The following DYNC2H1 variants were observed in gnomAD, a reference collection of about 807,000 sequenced individuals.
DYNC2H1 encodes the protein cytoplasmic dynein 2 heavy chain 1.
Under a neutral mutation model 570.0 loss-of-function variants are expected in DYNC2H1, and 410 were observed. That is an observed-to-expected ratio of 0.72 (90% CI 0.66 to 0.78). The LOEUF is 0.78. DYNC2H1 is among the 30% of genes least tolerant of loss of function. DYNC2H1 has a pLI of 0.00. For synonymous variants in DYNC2H1, 1,688 were observed against 1,677.6 expected, an observed-to-expected ratio of 1.01 and a Z score of -0.15; for missense variants, 4,865 against 5,046.4, an observed-to-expected ratio of 0.96 and a Z score of 1.09.
In DYNC2H1 at chr11:103,205,620, G is replaced by T. The variant is rs767470608; in HGVS notation, c.8454+656G>T. Among the ~76,000 whole-genome samples the T allele has an allele frequency of 2.0e-5, 3 of 152,104 alleles. No homozygotes were observed. Among genetic ancestry groups the T allele is most frequent in the Non-Finnish European group, 4.4e-5 (3 of 68,012 alleles). On this transcript the variant is annotated intron_variant, in intron 52 of 88. Coordinates refer to ENST00000375735, the MANE Select transcript of DYNC2H1 (RefSeq NM_001377.3). This position sits in a 1 kb window ranked among gnomAD's most constrained non-coding sequence, Gnocchi z 4.5. ...CACGTGAATAAGAGGCATTCATTAA[G>T]AAGTAATTATTGGGTGCTTAGTAAG...
At chr11:103,240,835 T>G (rs1445804581) in intron 63 of DYNC2H1, among the ~76,000 whole-genome samples, 1 of 152,178 alleles carries the variant, frequency 6.6e-6, no homozygotes, top group African/African-American at 2.4e-5. Context: ...GTCTGCAGTA[T>G]AAAAATTTCA....
At chr11:103,468,273 A>G (rs1397192527) in intron 87 of DYNC2H1, 3 of 171,532 alleles carry the variant, frequency 1.7e-5, no homozygotes, top group Non-Finnish European at 3.7e-5. Context: ...TCATGGAGAA[A>G]GAATAACTTT....
chr11:103,192,343 A>T (rs147305881), intron 47 of DYNC2H1, 79 bp downstream of exon 47: 2 of 1,067,466 alleles, frequency 1.9e-6, no homozygotes, highest in Non-Finnish European at 2.5e-6. Flanking sequence ...GCATGATTTT[A>T]TAGGTCTAAA....
Position 103,461,303 on chromosome 11 carries a change from G to GTT in DYNC2H1, c.12648+4954_12648+4955dup, listed in dbSNP as rs141358615. On this transcript the variant is annotated intron_variant, in intron 87 of 88. Coordinates refer to ENST00000375735, the MANE Select transcript of DYNC2H1 (RefSeq NM_001377.3). The surrounding 1 kb of genome is among the most constrained non-coding windows in gnomAD (Gnocchi z 4.8). Reference sequence around the variant, plus strand: ...TTTTACTATCACTATAATTTTATTAGTTTTTTTTAAAATCTCTATCACCAT... The same window carrying GTT: ...TTTTACTATCACTATAATTTTATTAGTTTTTTTTTTAAAATCTCTATCACCAT... Among the ~76,000 whole-genome samples, 5 of 151,702 alleles carry GTT rather than the reference G, an allele frequency of 3.3e-5. No homozygotes were observed. Among genetic ancestry groups the GTT allele is most frequent in the Admixed American group, 2.6e-4 (4 of 15,222 alleles).
intron 84 of DYNC2H1, among the ~76,000 whole-genome samples, chr11:103,421,369 C>A (rs602480): frequency 2.0e-5 from 3 of 151,928 alleles, no homozygotes; most frequent in African/African-American, 4.8e-5. Context: ...GATATCTATA[C>A]GACTCTCCAC....
At chr11:103,467,215 G>A (rs77670252) in intron 87 of DYNC2H1, among the ~76,000 whole-genome samples, 3,491 of 152,192 alleles carry the variant, frequency 0.023, 81 homozygotes, top group African/African-American at 0.055. Context: ...CAAGTGACCT[G>A]TATATCCCAT....
At chr11:103,191,028 A>T (rs3016437) in intron 45 of DYNC2H1, among the ~76,000 whole-genome samples, 4,630 of 111,024 alleles carry the variant, frequency 0.042, 238 homozygotes, top group African/African-American at 0.13. Context: ...ATATATATAT[A>T]TTTTTTTTCT....
rs1259400975 is a variant in DYNC2H1, at chr11:103,369,987, T to C, written c.12156+11628T>C. On this transcript the variant is annotated intron_variant, in intron 83 of 88. Transcript: ENST00000375735. This position sits in a 1 kb window ranked among gnomAD's most constrained non-coding sequence, Gnocchi z 4.0. ...CTTGCACATTAGGTAGAAGCTTGGCTACAGAGATAGGACACCAAAGAGGCT... is the reference window on the plus strand; with the variant it reads ...CTTGCACATTAGGTAGAAGCTTGGCCACAGAGATAGGACACCAAAGAGGCT... Among the ~76,000 whole-genome samples the C allele has an allele frequency of 2.6e-5, 4 of 152,188 alleles. No homozygotes were observed. The East Asian group carries it at 7.7e-4, about 29-fold the overall frequency.
intron 55 of DYNC2H1, among the ~76,000 whole-genome samples, chr11:103,216,413 A>G (rs979251710): frequency 2.0e-5 from 3 of 152,058 alleles, no homozygotes; most frequent in Non-Finnish European, 4.4e-5. Context: ...TGTTCATTAT[A>G]TTGCTCTTAC....
In DYNC2H1 at chr11:103,117,710, A is replaced by G; in HGVS notation, c.846A>G (p.Glu282=). ...LWEDPYYLVK[E]SLKAGISICE... is the part of the protein sequence containing the mutation. ...AAGATCCTTATTATCTTGTGAAAGAAAGTCTGAAAGCTGGTATTTCAATTT... is the reference window on the plus strand; with the variant it reads ...AAGATCCTTATTATCTTGTGAAAGAGAGTCTGAAAGCTGGTATTTCAATTT... The change falls in exon 6 of 89, where the codon GAA becomes GAG. Residue 282 remains glutamate (E), a synonymous_variant. Coordinates refer to ENST00000375735, the MANE Select transcript of DYNC2H1 (RefSeq NM_001377.3). 2.5e-6 allele frequency: 4 copies of G among 1,612,630 alleles called. No individual in the cohort carries two copies. The highest frequency in any genetic ancestry group is 3.4e-6 in the Non-Finnish European group (4 of 1,179,016).
intron 85 of DYNC2H1, among the ~76,000 whole-genome samples, chr11:103,438,204 C>G (rs558053314): frequency 1.3e-5 from 2 of 152,010 alleles, no homozygotes; most frequent in Admixed American, 1.3e-4. Context: ...ATTTTCCTGG[C>G]TTAATATTTT....
intron 75 of DYNC2H1, among the ~76,000 whole-genome samples, chr11:103,301,029 T>C (rs1450704123): frequency 6.6e-6 from 1 of 151,948 alleles, no homozygotes; most frequent in African/African-American, 2.4e-5. Flanking sequence ...TGGTATTCCA[T>C]CATTAACACT....
intron 43 of DYNC2H1, among the ~76,000 whole-genome samples, chr11:103,188,174 T>C (rs1459434804): frequency 6.6e-6 from 1 of 152,046 alleles, no homozygotes; most frequent in African/African-American, 2.4e-5. Context: ...AAAACAAAAA[T>C]ATTTTTCTCA....
In DYNC2H1 at chr11:103,289,488, G is replaced by A. The variant is rs115443878; in HGVS notation, c.11095+1883G>A. Among the ~76,000 whole-genome samples, 1,412 of 152,246 alleles carry A rather than the reference G, an allele frequency of 9.3e-3. 14 individuals are homozygous for A. Among genetic ancestry groups the A allele is most frequent in the African/African-American group, 0.032 (1,339 of 41,526 alleles). On this transcript the variant is annotated intron_variant, in intron 75 of 88. Transcript: ENST00000375735. This position sits in a 1 kb window ranked among gnomAD's most constrained non-coding sequence, Gnocchi z 4.2. ...TTCCTCAGTTATAATATTTGCAAAG[G>A]TGGTTTCAGTACCTGTAATCCCAGC...
intron 87 of DYNC2H1, among the ~76,000 whole-genome samples, chr11:103,464,389 C>A (rs1451559896): frequency 6.6e-6 from 1 of 152,090 alleles, no homozygotes; most frequent in African/African-American, 2.4e-5. Flanking sequence ...ATACTCCAAC[C>A]TATTTCTAAA....
intron 4 of DYNC2H1, among the ~76,000 whole-genome samples, chr11:103,116,254 A>G (rs1292261080): frequency 6.6e-6 from 1 of 152,166 alleles, no homozygotes; most frequent in Admixed American, 6.5e-5. Context: ...TGGGTAGTGT[A>G]TATGTGGAGT....
chr11:103,400,215 C>T (rs959642408), intron 84 of DYNC2H1, among the ~76,000 whole-genome samples: 1 of 152,154 alleles, frequency 6.6e-6, no homozygotes, highest in Non-Finnish European at 1.5e-5. Context: ...AGAAAGAACA[C>T]GTGTTTTCTA....
At chr11:103,155,299 A>G (rs761979716) in intron 24 of DYNC2H1, 32 bp from the exon 25 acceptor site, 1 of 1,547,044 alleles carries the variant, frequency 6.5e-7, no homozygotes, top group South Asian at 1.2e-5. Flanking sequence ...ATGTGTATAC[A>G]TATGACTTTT....
In DYNC2H1 at chr11:103,351,603, TTCTCC is replaced by T. The variant is rs200838802; in HGVS notation, c.12040-6638_12040-6634del. 3.5e-4 allele frequency among the ~76,000 whole-genome samples: 54 copies of T among 152,332 alleles called. No individual in the cohort carries two copies. In the East Asian group the frequency reaches 8.9e-3, roughly 25 times the overall value. Reference sequence around the variant, plus strand: ...AAATATTGAGAAGATTATATATTTTTTCTCCTTAATTTATGTGATGAAATATAGTT... The same window carrying T: ...AAATATTGAGAAGATTATATATTTTTTTAATTTATGTGATGAAATATAGTT... On this transcript the variant is annotated intron_variant, in intron 82 of 88. Coordinates refer to ENST00000375735, the MANE Select transcript of DYNC2H1 (RefSeq NM_001377.3).
Sources: allele counts gnomAD v4.1 joint callset (sites outside exome capture counted in the v4.1 genomes callset), GRCh38; gene constraint gnomAD v4.1.1; non-coding constraint Gnocchi (gnomAD v3.1); transcripts MANE v1.5; gene names NCBI Gene and HGNC (gene_info 2026-07-23, HGNC 2026-07-21).